Variants in DPYSL2 observed in about 807,000 individuals in gnomAD.
The protein encoded by DPYSL2 is dihydropyrimidinase-related protein 2.
Under a neutral mutation model 69.9 loss-of-function variants are expected in DPYSL2, and 13 were observed. That is an observed-to-expected ratio of 0.19 (90% CI 0.12 to 0.30). DPYSL2 has a LOEUF of 0.30. Among genes scored for constraint, DPYSL2 ranks in the 10% least tolerant of loss-of-function variants. The pLI, the probability that DPYSL2 is intolerant of heterozygous loss-of-function variation, is 1.00. For synonymous variants in DPYSL2, 326 were observed against 359.1 expected, an observed-to-expected ratio of 0.91 and a Z score of 1.04; for missense variants, 587 against 918.9, an observed-to-expected ratio of 0.64 and a Z score of 4.67.
In DPYSL2 at chr8:26,627,761, G is replaced by A. The variant is rs959085384; in HGVS notation, c.937-111G>A. The A allele has an allele frequency of 1.0e-5, 11 of 1,064,300 alleles. No homozygotes were observed. The highest frequency in any genetic ancestry group is 5.5e-5 in the South Asian group (4 of 72,138). The allele number at this position is 1,064,300 out of a possible 1,614,324, so 65.9% of individuals were successfully genotyped here. A position where few individuals can be genotyped will look rare whatever the true frequency, so the allele number is the denominator to read the frequency against. ...GTCTTGGGATGAGGGCAGAACGATCGGCAGTGGTAATTTTCCATCTTGCCC... is the reference window on the plus strand; with the variant it reads ...GTCTTGGGATGAGGGCAGAACGATCAGCAGTGGTAATTTTCCATCTTGCCC... On this transcript the variant is annotated intron_variant, in intron 6 of 13. Transcript: ENST00000521913. This position sits in a 1 kb window ranked among gnomAD's most constrained non-coding sequence, Gnocchi z 6.9.
Position 26,583,844 on chromosome 8 carries a change from C to G in DPYSL2, c.489C>G (p.Ile163Met). 1 of 1,614,024 alleles carries G rather than the reference C, an allele frequency of 6.2e-7. No homozygotes were observed. Among genetic ancestry groups the G allele is most frequent in the Non-Finnish European group, 8.5e-7 (1 of 1,179,966 alleles). ...TTGTGCCAGGAGGAGTGAAGACCAT[C>G]GAGGCCCACTCCCGGATGGTGATCC... ...NLIVPGGVKT[I>M]EAHSRMVIPG... Residue 163 changes from isoleucine (I) to methionine (M), a missense_variant, in exon 3 of 14, where the codon ATC becomes ATG. Ile to Met is a conservative substitution (Grantham distance 10). Coordinates refer to ENST00000521913, the MANE Select transcript of DPYSL2 (RefSeq NM_001197293.3).
intron 1 of DPYSL2, among the ~76,000 whole-genome samples, chr8:26,556,354 A>ATATATATATAGTATATATATAG (rs1270218497): frequency 2.1e-4 from 3 of 14,064 alleles, no homozygotes; most frequent in African/African-American, 2.8e-4. Context: ...TATATATAGT[A>ATATATATATAGTATATATATAG]TATATATATA....
Position 26,623,426 on chromosome 8 carries a change from G to A in DPYSL2, c.629-717G>A, listed in dbSNP as rs929394596. Among the ~76,000 whole-genome samples the A allele has an allele frequency of 4.6e-5, 7 of 152,238 alleles. No individual in the cohort carries two copies. In the East Asian group the frequency reaches 7.7e-4, roughly 17 times the overall value. On this transcript the variant is annotated intron_variant, in intron 3 of 13. Coordinates refer to ENST00000521913, the MANE Select transcript of DPYSL2 (RefSeq NM_001197293.3). ...AATGTATGTGCTAGGTAATATCCCC[G>A]TTTTAAAGCAGCACAGAAATTAGGG...
At position 26,610,012 on chromosome 8, in the gene DPYSL2, C is replaced by G. The variant is rs1316001399; in HGVS notation, c.629-14131C>G. On this transcript the variant is annotated intron_variant, in intron 3 of 13. Coordinates refer to ENST00000521913, the MANE Select transcript of DPYSL2 (RefSeq NM_001197293.3). The surrounding 1 kb of genome is among the most constrained non-coding windows in gnomAD (Gnocchi z 4.5). ...CCATGTGCACACACACAGGCACACA[C>G]ATGAGAAAGGGACGGGGAAAGCTAG... 6.6e-6 allele frequency among the ~76,000 whole-genome samples: 1 copy of G among 152,196 alleles called. No homozygotes were observed. Among genetic ancestry groups the G allele is most frequent in the East Asian group, 1.9e-4 (1 of 5,190 alleles).
rs550632699 is a variant in DPYSL2 at position 26,516,695 on chromosome 8, A to G, written c.354+2016A>G. On this transcript the variant is annotated intron_variant, in intron 1 of 13. Transcript: ENST00000521913. This position sits in a 1 kb window ranked among gnomAD's most constrained non-coding sequence, Gnocchi z 4.8. ...AAGGGAGTTTTAGATTGCAATTCAC[A>G]TTGATTTCAGTTGCCCAGTTATTAG... 3.9e-4 allele frequency among the ~76,000 whole-genome samples: 60 copies of G among 152,324 alleles called. No individual in the cohort carries two copies. Among genetic ancestry groups the G allele is most frequent in the Non-Finnish European group, 7.8e-4 (53 of 68,024 alleles).
chr8:26,607,099 G>A (rs1047369452), intron 3 of DPYSL2, among the ~76,000 whole-genome samples: 1 of 152,192 alleles, frequency 6.6e-6, no homozygotes, highest in African/African-American at 2.4e-5. Flanking sequence ...TATTTATAAT[G>A]AGGAAAACAG....
Position 26,624,105 on chromosome 8 carries a change from G to A in DPYSL2, c.629-38G>A. ...TACCTGCTGGCCCACGGCCCTTGAG[G>A]CTCTTGGTGATGATGACATATGTCT... On this transcript the variant is annotated intron_variant, in intron 3 of 13. Coordinates refer to ENST00000521913, the MANE Select transcript of DPYSL2 (RefSeq NM_001197293.3). This position sits in a 1 kb window ranked among gnomAD's most constrained non-coding sequence, Gnocchi z 4.7. 1 of 1,611,738 alleles carries A rather than the reference G, an allele frequency of 6.2e-7. No homozygotes were observed. Among genetic ancestry groups the A allele is most frequent in the Non-Finnish European group, 8.5e-7 (1 of 1,178,500 alleles).
chr8:26,530,403 A>G (rs781398373), intron 1 of DPYSL2, among the ~76,000 whole-genome samples: 6 of 152,208 alleles, frequency 3.9e-5, no homozygotes, highest in Non-Finnish European at 5.9e-5. Flanking sequence ...ATAACATTCA[A>G]TTGGTCCATG....
At chr8:26,646,055 G>A (rs968073731) in intron 10 of DPYSL2, among the ~76,000 whole-genome samples, 58 of 146,490 alleles carry the variant, frequency 4.0e-4, no homozygotes, top group African/African-American at 1.4e-3. Flanking sequence ...TAGTAGAGAC[G>A]GGGTTTTGCC....
chr8:26,556,227 ATAGTATT>A (rs1563385159), intron 1 of DPYSL2, among the ~76,000 whole-genome samples: 28 of 14,904 alleles, frequency 1.9e-3, no homozygotes, highest in Non-Finnish European at 3.3e-3. Context: ...TATAGTATAT[ATAGTATT>A]TATATAATAT....
At chr8:26,574,813 G>A (rs1376326382) in intron 1 of DPYSL2, among the ~76,000 whole-genome samples, 2 of 152,170 alleles carry the variant, frequency 1.3e-5, no homozygotes, top group Non-Finnish European at 2.9e-5. Context: ...GCACGATCAT[G>A]GCTTATTACA....
At chr8:26,530,843 G>C (rs1398819518) in intron 1 of DPYSL2, among the ~76,000 whole-genome samples, 2 of 152,184 alleles carry the variant, frequency 1.3e-5, no homozygotes, top group Non-Finnish European at 2.9e-5. Context: ...CCTTTGCAAA[G>C]TGGGTATCAT....
chr8:26,643,911 G>C lies in DPYSL2; in HGVS notation c.1284-39G>C, dbSNP rs774761735. The C allele has an allele frequency of 3.7e-6, 6 of 1,601,078 alleles. No homozygotes were observed. The highest frequency in any genetic ancestry group is 1.1e-5 in the South Asian group (1 of 88,712). On this transcript the variant is annotated intron_variant, in intron 9 of 13. Transcript: ENST00000521913. The surrounding 1 kb of genome is among the most constrained non-coding windows in gnomAD (Gnocchi z 6.5). Reference sequence around the variant, plus strand: ...AATAGGTGTAGGCGCACAGCATCTTGACGAAGCTGCAGCACCACGTTATGC... The same window carrying C: ...AATAGGTGTAGGCGCACAGCATCTTCACGAAGCTGCAGCACCACGTTATGC...
In DPYSL2 at chr8:26,656,272, C is replaced by T. The variant is rs1265296818; in HGVS notation, c.*566C>T. The T allele has an allele frequency of 6.7e-6, 1 of 149,692 alleles. No individual in the cohort carries two copies. The highest frequency in any genetic ancestry group is 1.5e-5 in the Non-Finnish European group (1 of 67,568). 9.3% of individuals were successfully genotyped at this position (149,692 alleles called of 1,614,324 possible). A position where few individuals can be genotyped will look rare whatever the true frequency, so the allele number is the denominator to read the frequency against. ...CATCCTAATGATGCAATTACGTCAT[C>T]ACCCAGCTGATTCCGGGTGGTTGGC... On this transcript the variant is annotated 3_prime_UTR_variant, in exon 14 of 14. Coordinates refer to ENST00000521913, the MANE Select transcript of DPYSL2 (RefSeq NM_001197293.3).
chr8:26,581,649 C>T (rs1435904507), intron 1 of DPYSL2, among the ~76,000 whole-genome samples: 2 of 152,058 alleles, frequency 1.3e-5, no homozygotes, highest in Admixed American at 1.3e-4. Flanking sequence ...GCTGGGATTA[C>T]AGGCATGAGC....
rs1291954263 is a variant in DPYSL2, at chr8:26,556,266, G to A, written c.355-25703G>A. 1.5e-3 allele frequency among the ~76,000 whole-genome samples: 4 copies of A among 2,640 alleles called. 1 individual carries two copies. The highest frequency in any genetic ancestry group is 2.4e-3 in the African/African-American group (4 of 1,638). The allele number at this position is 2,640 out of a possible 152,430, so 1.7% of individuals were successfully genotyped here. On this transcript the variant is annotated intron_variant, in intron 1 of 13. Transcript: ENST00000521913. ...ATATATATAGTATATATATACTATA[G>A]TATATATAGTATTTATATAATATAT... is the stretch of plus-strand genomic sequence containing the variant.
chr8:26,614,369 C>T lies in DPYSL2; in HGVS notation c.629-9774C>T, dbSNP rs1272250738. 5.3e-5 allele frequency among the ~76,000 whole-genome samples: 8 copies of T among 152,094 alleles called. No individual in the cohort carries two copies. Among genetic ancestry groups the T allele is most frequent in the African/African-American group, 1.4e-4 (6 of 41,410 alleles). On this transcript the variant is annotated intron_variant, in intron 3 of 13. Coordinates refer to ENST00000521913, the MANE Select transcript of DPYSL2 (RefSeq NM_001197293.3). This position sits in a 1 kb window ranked among gnomAD's most constrained non-coding sequence, Gnocchi z 4.9. Reference sequence around the variant, plus strand: ...GAGAAGGTGGGGCGTCAGCAACATTCAGCTCCCTCCATAGCTCGATGAGAA... The same window carrying T: ...GAGAAGGTGGGGCGTCAGCAACATTTAGCTCCCTCCATAGCTCGATGAGAA...
intron 10 of DPYSL2, among the ~76,000 whole-genome samples, chr8:26,646,204 G>T (rs1317582995): frequency 6.7e-6 from 1 of 148,246 alleles, no homozygotes; most frequent in Admixed American, 6.7e-5. Flanking sequence ...GTTGTTTCTG[G>T]TTTTTTTTTT....
chr8:26,515,454 A>T (rs1233086294), intron 1 of DPYSL2, among the ~76,000 whole-genome samples: 1 of 152,208 alleles, frequency 6.6e-6, no homozygotes, highest in East Asian at 1.9e-4. Flanking sequence ...GGTCAAAAAG[A>T]CAAGAAAAGG....
Sources: gnomAD v4.1 joint callset for allele counts (sites outside exome capture counted in the v4.1 genomes callset) on GRCh38, gnomAD v4.1.1 for gene constraint, Gnocchi (gnomAD v3.1) non-coding constraint, MANE v1.5 for transcripts, NCBI Gene and HGNC (gene_info 2026-07-23, HGNC 2026-07-21) for gene names.